The following LPP variants were observed in gnomAD, a reference collection of about 807,000 sequenced individuals.
LPP encodes LIM domain containing preferred translocation partner in lipoma.
LPP carries 38 observed loss-of-function variants against 60.4 expected under a neutral mutation model. That is an observed-to-expected ratio of 0.63 (90% CI 0.49 to 0.83). LPP has a LOEUF of 0.83. LPP is among the 40% of genes least tolerant of loss of function. The probability of loss-of-function intolerance (pLI) is 0.00; values close to 1 mark genes in which losing one functional copy is unlikely to be tolerated. For synonymous variants in LPP, 328 were observed against 290.8 expected, an observed-to-expected ratio of 1.13 and a Z score of -1.30; for missense variants, 902 against 783.6, an observed-to-expected ratio of 1.15 and a Z score of -1.80.
intron 1 of LPP, among the ~76,000 whole-genome samples, chr3:188,204,259 G>T (rs1732525734): frequency 6.6e-6 from 1 of 152,118 alleles, no homozygotes; most frequent in Admixed American, 6.5e-5. Context: ...GGGAGACGTG[G>T]CTAAAAACAT....
At chr3:188,236,628 T>C (rs1247124796) in intron 2 of LPP, among the ~76,000 whole-genome samples, 1 of 152,258 alleles carries the variant, frequency 6.6e-6, no homozygotes, top group Non-Finnish European at 1.5e-5. Flanking sequence ...ACAAAATTAT[T>C]GGTTCCCAGT....
intron 9 of LPP, among the ~76,000 whole-genome samples, chr3:188,802,259 A>G (rs1178777427): frequency 2.0e-5 from 3 of 152,176 alleles, no homozygotes; most frequent in African/African-American, 4.8e-5. Context: ...ACTCTTCATT[A>G]TAACTCATGG....
intron 4 of LPP, among the ~76,000 whole-genome samples, chr3:188,445,274 T>C (rs1578947625): frequency 6.6e-6 from 1 of 151,934 alleles, no homozygotes; most frequent in East Asian, 1.9e-4. Flanking sequence ...ATAAAGAAAA[T>C]GTGGCACATA....
intron 8 of LPP, among the ~76,000 whole-genome samples, chr3:188,724,807 GGC>G (rs1717758122): frequency 6.6e-6 from 1 of 152,110 alleles, no homozygotes; most frequent in Admixed American, 6.5e-5. Flanking sequence ...CCATGCCTAT[GGC>G]ATCTTCTAGT....
At position 188,352,339 on chromosome 3, in the gene LPP, G is replaced by T. The variant is rs1220792153; in HGVS notation, c.-10+10620G>T. On this transcript the variant is annotated intron_variant, in intron 3 of 11. Transcript: ENST00000617246. The surrounding 1 kb of genome is among the most constrained non-coding windows in gnomAD (Gnocchi z 4.4). ...TGGCTGCTTTTTCTCCCCACCTTTGGCAGCTTGTGAGCGGTGTTGCCATGA... is the reference window on the plus strand; with the variant it reads ...TGGCTGCTTTTTCTCCCCACCTTTGTCAGCTTGTGAGCGGTGTTGCCATGA... 2.0e-5 allele frequency among the ~76,000 whole-genome samples: 3 copies of T among 152,146 alleles called. No individual in the cohort carries two copies. The highest frequency in any genetic ancestry group is 2.9e-5 in the Non-Finnish European group (2 of 68,028).
chr3:188,195,748 G>C (rs1384173505), intron 1 of LPP, among the ~76,000 whole-genome samples: 2 of 152,062 alleles, frequency 1.3e-5, no homozygotes, highest in Admixed American at 1.3e-4. Flanking sequence ...TGGATATATT[G>C]GGTTAAATTA....
chr3:188,495,140 TTTATA>T (rs1809767375), intron 5 of LPP, among the ~76,000 whole-genome samples: 1 of 132,844 alleles, frequency 7.5e-6, no homozygotes, highest in Non-Finnish European at 1.6e-5. Context: ...TTATTATATA[TTTATA>T]TTATATTTAT....
intron 2 of LPP, among the ~76,000 whole-genome samples, chr3:188,230,510 G>T (rs114195432): frequency 6.6e-6 from 1 of 152,124 alleles, no homozygotes; most frequent in Non-Finnish European, 1.5e-5. Context: ...TAGGCCAGGC[G>T]TAGTGGCTTA....
chr3:188,890,568 A>T lies in LPP; in HGVS notation c.*16089A>T, dbSNP rs1461167383. 1 of 179,668 alleles carries T rather than the reference A, an allele frequency of 5.6e-6. No individual in the cohort carries two copies. The highest frequency in any genetic ancestry group is 1.2e-5 in the Non-Finnish European group (1 of 83,992). The allele number at this position is 179,668 out of a possible 1,614,324, so 11.1% of individuals were successfully genotyped here. On this transcript the variant is annotated 3_prime_UTR_variant, in exon 12 of 12. Transcript: ENST00000617246. ...TTTCTCTACCAATTATGTTTTTTCA[A>T]TGCTCTATAAGAATGAATATGGAAA... is the stretch of plus-strand genomic sequence containing the variant.
At chr3:188,336,064 GGCATAGATTATTAATGTCC>G (rs1761545191) in intron 2 of LPP, among the ~76,000 whole-genome samples, 1 of 152,084 alleles carries the variant, frequency 6.6e-6, no homozygotes, top group South Asian at 2.1e-4. Flanking sequence ...TGGTGGTGGT[GGCATAGATTATTAATGTCC>G]TCAGTGTCAA....
At position 188,220,499 on chromosome 3, in the gene LPP, A is replaced by T. The variant is rs186038655; in HGVS notation, c.-189-4906A>T. On this transcript the variant is annotated intron_variant, in intron 1 of 11. Coordinates refer to ENST00000617246, the MANE Select transcript of LPP (RefSeq NM_001375462.1). ...GATTCCATACAACCTAAGTGGTGAC[A>T]TCAGCACAGGCTCATTACTAATCTC... 2.6e-5 allele frequency among the ~76,000 whole-genome samples: 4 copies of T among 152,326 alleles called. No homozygotes were observed. In the East Asian group the frequency reaches 7.7e-4, roughly 29 times the overall value.
chr3:188,220,880 G>A (rs1715522948), intron 1 of LPP, among the ~76,000 whole-genome samples: 1 of 152,146 alleles, frequency 6.6e-6, no homozygotes, highest in African/African-American at 2.4e-5. Flanking sequence ...TCTGTGAGTG[G>A]GGCCACAGGG....
At chr3:188,562,081 A>C (rs1049225492) in intron 6 of LPP, among the ~76,000 whole-genome samples, 5 of 151,872 alleles carry the variant, frequency 3.3e-5, no homozygotes, top group African/African-American at 1.2e-4. Flanking sequence ...ACAGACACAC[A>C]CACACATACA....
chr3:188,816,198 C>CTTTTTTTTT (rs34839724), intron 9 of LPP, among the ~76,000 whole-genome samples: 1 of 103,948 alleles, frequency 9.6e-6, no homozygotes. Flanking sequence ...GCTTCCTTCT[C>CTTTTTTTTT]TTTTTTTTTT....
At chr3:188,161,744 G>C (rs1017381485) in intron 1 of LPP, among the ~76,000 whole-genome samples, 1 of 152,124 alleles carries the variant, frequency 6.6e-6, no homozygotes, top group African/African-American at 2.4e-5. Context: ...CTCCACTAGG[G>C]GTTTCTCTGC....
intron 2 of LPP, among the ~76,000 whole-genome samples, chr3:188,321,577 C>T (rs954514247): frequency 1.3e-4 from 20 of 152,044 alleles, no homozygotes; most frequent in African/African-American, 4.8e-4. Context: ...AGAATTGGCT[C>T]ATTTTATATT....
At chr3:188,548,104 G>T (rs1341074234) in intron 6 of LPP, among the ~76,000 whole-genome samples, 3 of 152,158 alleles carry the variant, frequency 2.0e-5, no homozygotes, top group Admixed American at 1.3e-4. Flanking sequence ...AATTCCTGTG[G>T]ATCAAAGCCC....
Position 188,595,909 on chromosome 3 carries a change from G to A in LPP, c.430-13252G>A, listed in dbSNP as rs11918576. Reference sequence around the variant, plus strand: ...GTGTATTCAGTTCTTGAGTGACAAAGACAGGCGTGAGAGAGAGAGTCCCTT... The same window carrying A: ...GTGTATTCAGTTCTTGAGTGACAAAAACAGGCGTGAGAGAGAGAGTCCCTT... On this transcript the variant is annotated intron_variant, in intron 6 of 11. Transcript: ENST00000617246. Among the ~76,000 whole-genome samples the A allele has an allele frequency of 7.6e-3, 1,164 of 152,254 alleles. 17 individuals carry two copies. The highest frequency in any genetic ancestry group is 0.026 in the African/African-American group (1,084 of 41,534).
intron 6 of LPP, among the ~76,000 whole-genome samples, chr3:188,548,638 C>A (rs1021496765): frequency 6.6e-6 from 1 of 152,098 alleles, no homozygotes; most frequent in Non-Finnish European, 1.5e-5. Flanking sequence ...GTTTAGAAAT[C>A]TTTGGGATGA....
Sources: allele counts gnomAD v4.1 joint callset (sites outside exome capture counted in the v4.1 genomes callset), GRCh38; gene constraint gnomAD v4.1.1; non-coding constraint Gnocchi (gnomAD v3.1); transcripts MANE v1.5; gene names NCBI Gene and HGNC (gene_info 2026-07-23, HGNC 2026-07-21).